The following CADPS2 variants were observed in gnomAD, a reference collection of about 807,000 sequenced individuals.
The protein encoded by CADPS2 is calcium dependent secretion activator 2.
A neutral mutation model predicts 172.5 loss-of-function variants in CADPS2; 93 were observed. That is an observed-to-expected ratio of 0.54 (90% CI 0.46 to 0.64). The LOEUF is 0.64. CADPS2 is among the 30% of genes least tolerant of loss of function. The probability of loss-of-function intolerance (pLI) is 0.00; values close to 1 mark genes in which losing one functional copy is unlikely to be tolerated. For synonymous variants in CADPS2, 546 were observed against 555.2 expected, an observed-to-expected ratio of 0.98 and a Z score of 0.23; for missense variants, 1,420 against 1,565.9, an observed-to-expected ratio of 0.91 and a Z score of 1.57.
intron 2 of CADPS2, among the ~76,000 whole-genome samples, chr7:122,663,802 G>C (rs1464922115): frequency 6.6e-6 from 1 of 152,164 alleles, no homozygotes; most frequent in Non-Finnish European, 1.5e-5. Context: ...AAAAATACCA[G>C]TAAGATGGTT....
chr7:122,495,563 T>A (rs10269374), intron 9 of CADPS2, among the ~76,000 whole-genome samples: 18,357 of 152,178 alleles, frequency 0.12, 1,932 homozygotes, highest in African/African-American at 0.28. Flanking sequence ...CCTAGTGATG[T>A]CCTTCACTTT....
At chr7:122,620,483 C>G (rs1194051031) in intron 5 of CADPS2, among the ~76,000 whole-genome samples, 4 of 152,024 alleles carry the variant, frequency 2.6e-5, no homozygotes, top group Non-Finnish European at 5.9e-5. Flanking sequence ...ACTAGATAAG[C>G]CCACATACAC....
At chr7:122,707,232 A>G (rs948783998) in intron 2 of CADPS2, among the ~76,000 whole-genome samples, 2 of 151,964 alleles carry the variant, frequency 1.3e-5, no homozygotes, top group African/African-American at 4.8e-5. Flanking sequence ...GGGACACAAC[A>G]TGGCTCTGAC....
chr7:122,323,873 T>TTATATATATATA lies in CADPS2; in HGVS notation c.3717+1592_3717+1603dup, dbSNP rs71159788. ...TGCATATTATATACATATGTATATT[T>TTATATATATATA]TATATATATATATATATATATATAT... On this transcript the variant is annotated intron_variant, in intron 29 of 29. Coordinates refer to ENST00000449022, the MANE Select transcript of CADPS2 (RefSeq NM_017954.11). 5.3e-5 allele frequency among the ~76,000 whole-genome samples: 6 copies of TTATATATATATA among 112,518 alleles called. 1 individual carries two copies. Among genetic ancestry groups the TTATATATATATA allele is most frequent in the African/African-American group, 2.4e-4 (6 of 24,888 alleles). 73.8% of individuals were successfully genotyped at this position (112,518 alleles called of 152,430 possible). A position where few individuals can be genotyped will look rare whatever the true frequency, so the allele number is the denominator to read the frequency against.
intron 1 of CADPS2, among the ~76,000 whole-genome samples, chr7:122,774,095 A>G (rs2093790432): frequency 6.6e-6 from 1 of 152,100 alleles, no homozygotes; most frequent in African/African-American, 2.4e-5. Flanking sequence ...TTAAAATAAA[A>G]AAGAGAAAGA....
chr7:122,372,832 T>A (rs529591703), intron 25 of CADPS2, among the ~76,000 whole-genome samples: 2 of 152,304 alleles, frequency 1.3e-5, no homozygotes, highest in African/African-American at 2.4e-5. Context: ...AGACGTAGAA[T>A]CAGTTAAGTG....
intron 13 of CADPS2, among the ~76,000 whole-genome samples, chr7:122,472,544 C>T (rs1330145056): frequency 6.6e-6 from 1 of 152,156 alleles, no homozygotes; most frequent in Non-Finnish European, 1.5e-5. Context: ...AGGCAAATCA[C>T]ACTCACTCCC....
At chr7:122,376,319 C>T (rs1292616758) in intron 25 of CADPS2, among the ~76,000 whole-genome samples, 1 of 152,096 alleles carries the variant, frequency 6.6e-6, no homozygotes, top group African/African-American at 2.4e-5. Flanking sequence ...GACTTGGAAG[C>T]AACTTTAATA....
intron 15 of CADPS2, among the ~76,000 whole-genome samples, chr7:122,446,831 G>T (rs1289779000): frequency 6.6e-6 from 1 of 152,122 alleles, no homozygotes; most frequent in Non-Finnish European, 1.5e-5. Flanking sequence ...TCATGGCCTG[G>T]AAATGCTCTT....
At chr7:122,656,354 T>C (rs1164422199) in intron 3 of CADPS2, among the ~76,000 whole-genome samples, 3 of 152,068 alleles carry the variant, frequency 2.0e-5, no homozygotes, top group Non-Finnish European at 2.9e-5. Flanking sequence ...AGGGAAACAC[T>C]GAAAACTTAT....
At chr7:122,748,723 C>T (rs775099668) in intron 1 of CADPS2, among the ~76,000 whole-genome samples, 1 of 152,148 alleles carries the variant, frequency 6.6e-6, no homozygotes, top group Non-Finnish European at 1.5e-5. Context: ...ACTTTCAGCT[C>T]ATCATCTTTG....
intron 2 of CADPS2, among the ~76,000 whole-genome samples, chr7:122,689,349 G>T (rs866663174): frequency 2.3e-4 from 35 of 152,244 alleles, no homozygotes; most frequent in Admixed American, 5.9e-4. Context: ...AAGGCCATCC[G>T]GTTTTGTAGC....
At chr7:122,522,371 TC>T (rs2060875063) in intron 8 of CADPS2, among the ~76,000 whole-genome samples, 1 of 152,052 alleles carries the variant, frequency 6.6e-6, no homozygotes, top group South Asian at 2.1e-4. Flanking sequence ...CACCTCAGCC[TC>T]CCAAAGTGCT....
chr7:122,538,365 T>TG (rs2062547736), intron 8 of CADPS2, among the ~76,000 whole-genome samples: 2 of 147,706 alleles, frequency 1.4e-5, no homozygotes, highest in Non-Finnish European at 3.0e-5. Flanking sequence ...GGTTTTTTGT[T>TG]TTTTTTTTTT....
At chr7:122,410,470 T>C (rs184345815) in intron 19 of CADPS2, among the ~76,000 whole-genome samples, 3 of 146,626 alleles carry the variant, frequency 2.0e-5, no homozygotes, top group African/African-American at 7.6e-5. Flanking sequence ...GTAGTAAATA[T>C]AGTTTACAAC....
chr7:122,499,808 A>T (rs1433043660), intron 9 of CADPS2, among the ~76,000 whole-genome samples: 1 of 152,162 alleles, frequency 6.6e-6, no homozygotes, highest in African/African-American at 2.4e-5. Flanking sequence ...TTTATCATCA[A>T]CTATTGAAAT....
chr7:122,352,524 G>C (rs566576243), intron 27 of CADPS2, among the ~76,000 whole-genome samples: 1 of 152,216 alleles, frequency 6.6e-6, no homozygotes, highest in Non-Finnish European at 1.5e-5. Flanking sequence ...AAACACAAAG[G>C]AATAAAGAAG....
intron 1 of CADPS2, among the ~76,000 whole-genome samples, chr7:122,827,176 A>C (rs1805147727): frequency 6.6e-6 from 1 of 152,208 alleles, no homozygotes; most frequent in Non-Finnish European, 1.5e-5. Flanking sequence ...GACAGCTTAC[A>C]GAAAAATGTA....
At chr7:122,693,250 T>C (rs963843643) in intron 2 of CADPS2, among the ~76,000 whole-genome samples, 10 of 152,198 alleles carry the variant, frequency 6.6e-5, no homozygotes, top group Non-Finnish European at 2.9e-5. Flanking sequence ...ATTTCAAATA[T>C]CATTTCCTTC....
Sources: allele counts gnomAD v4.1 joint callset (sites outside exome capture counted in the v4.1 genomes callset), GRCh38; gene constraint gnomAD v4.1.1; transcripts MANE v1.5; gene names NCBI Gene and HGNC (gene_info 2026-07-23, HGNC 2026-07-21).